The following GAS7 variants were observed in gnomAD, a reference collection of about 807,000 sequenced individuals.
GAS7 encodes growth arrest specific 7, also known as growth arrest-specific protein 7.
Under a neutral mutation model 71.1 loss-of-function variants are expected in GAS7, and 28 were observed. The ratio of observed to expected loss-of-function variants is 0.39; its 90% CI spans 0.29 to 0.54. The LOEUF (loss-of-function observed/expected upper bound fraction) is 0.54. Ranked by LOEUF, GAS7 falls within the 20% of genes least tolerant of loss-of-function variation. GAS7 has a pLI of 0.62. For synonymous variants in GAS7, 258 were observed against 245.8 expected, an observed-to-expected ratio of 1.05 and a Z score of -0.46; for missense variants, 436 against 627.8, an observed-to-expected ratio of 0.69 and a Z score of 3.27.
At chr17:10,116,515 C>T (rs2073862921) in intron 1 of GAS7, among the ~76,000 whole-genome samples, 1 of 152,082 alleles carries the variant, frequency 6.6e-6, no homozygotes, top group Admixed American at 6.5e-5. Flanking sequence ...CTCACAGCCA[C>T]TGGGTGCTCA....
chr17:9,928,634 G>C (rs762228283), intron 9 of GAS7, among the ~76,000 whole-genome samples: 18 of 152,206 alleles, frequency 1.2e-4, no homozygotes, highest in Non-Finnish European at 2.2e-4. Context: ...ATATCCCAAC[G>C]AGGGTTCTGT....
chr17:10,067,155 G>A (rs1358461075), intron 1 of GAS7, among the ~76,000 whole-genome samples: 1 of 152,102 alleles, frequency 6.6e-6, no homozygotes, highest in East Asian at 1.9e-4. Context: ...GGGATGGGGT[G>A]GCGGGAGTGG....
intron 1 of GAS7, among the ~76,000 whole-genome samples, chr17:10,030,497 C>T (rs941072603): frequency 4.6e-5 from 7 of 152,334 alleles, no homozygotes; most frequent in Non-Finnish European, 7.4e-5. Context: ...GTGCATGAGG[C>T]ACACCTGCAG....
intron 1 of GAS7, among the ~76,000 whole-genome samples, chr17:10,161,098 G>A (rs2074252931): frequency 6.6e-6 from 1 of 152,098 alleles, no homozygotes; most frequent in South Asian, 2.1e-4. Context: ...TTGTTTGTTT[G>A]TTTGCGGTTT....
At chr17:10,185,627 T>C (rs2074446267) in intron 1 of GAS7, among the ~76,000 whole-genome samples, 1 of 152,118 alleles carries the variant, frequency 6.6e-6, no homozygotes. Context: ...GGAAACCCAA[T>C]TTACAGCCGG....
intron 2 of GAS7, among the ~76,000 whole-genome samples, chr17:10,003,125 G>A (rs1354068856): frequency 6.6e-6 from 1 of 152,218 alleles, no homozygotes; most frequent in East Asian, 1.9e-4. Flanking sequence ...CAGAAGGCTG[G>A]GGCTGGCTGG....
intron 9 of GAS7, among the ~76,000 whole-genome samples, chr17:9,933,213 A>G (rs2068271759): frequency 6.6e-6 from 1 of 152,150 alleles, no homozygotes; most frequent in African/African-American, 2.4e-5. Context: ...ATAAATGAAT[A>G]AATAAATAAA....
chr17:9,962,746 T>A (rs1431230872), intron 4 of GAS7, among the ~76,000 whole-genome samples: 1 of 152,218 alleles, frequency 6.6e-6, no homozygotes, highest in Non-Finnish European at 1.5e-5. Flanking sequence ...GGTCTTACAC[T>A]GGCACCTCAC....
At chr17:10,170,020 C>T (rs2074324349) in intron 1 of GAS7, among the ~76,000 whole-genome samples, 2 of 152,146 alleles carry the variant, frequency 1.3e-5, no homozygotes, top group South Asian at 2.1e-4. Flanking sequence ...CAACCCATTA[C>T]CAAATCCCAT....
chr17:10,146,946 G>A (rs77896675), intron 1 of GAS7, among the ~76,000 whole-genome samples: 16,314 of 109,570 alleles, frequency 0.15, 2,025 homozygotes, highest in African/African-American at 0.34. Context: ...GCGCCAGAGC[G>A]AGACTCCGTC....
At chr17:9,964,917 A>G (rs2069644884) in intron 4 of GAS7, among the ~76,000 whole-genome samples, 1 of 152,156 alleles carries the variant, frequency 6.6e-6, no homozygotes, top group Non-Finnish European at 1.5e-5. Context: ...CTCCACTTTG[A>G]ACTCCATGCT....
chr17:10,055,986 G>C (rs1264494162), intron 1 of GAS7, among the ~76,000 whole-genome samples: 1 of 152,192 alleles, frequency 6.6e-6, no homozygotes, highest in African/African-American at 2.4e-5. Flanking sequence ...AGGTAGAAGT[G>C]AATTATCCCC....
At chr17:10,116,410 T>C (rs1308908803) in intron 1 of GAS7, among the ~76,000 whole-genome samples, 1 of 152,010 alleles carries the variant, frequency 6.6e-6, no homozygotes, top group Admixed American at 6.6e-5. Flanking sequence ...ATGAATACTC[T>C]CCAGAGTACC....
rs1031163333 is a variant in GAS7 at position 10,163,530 on chromosome 17, T to C, written c.183+34678A>G. Among the ~76,000 whole-genome samples, 13 of 151,048 alleles carry C rather than the reference T, an allele frequency of 8.6e-5. No individual in the cohort carries two copies. The East Asian group carries it at 1.7e-3, about 20-fold the overall frequency. ...GCTACAAAAATGCTTGAGAGAGAAA[T>C]ACAGATTAAAGTTGAAAGAAATAAA... On this transcript the variant is annotated intron_variant, in intron 1 of 13. Coordinates refer to ENST00000432992, the MANE Select transcript of GAS7 (RefSeq NM_201433.2).
intron 1 of GAS7, among the ~76,000 whole-genome samples, chr17:10,076,724 G>T (rs915892410): frequency 6.6e-6 from 1 of 152,098 alleles, no homozygotes; most frequent in Non-Finnish European, 1.5e-5. Context: ...TGAAAACATT[G>T]GAGAAACTGT....
At chr17:10,016,276 T>C (rs1001117703) in intron 2 of GAS7, among the ~76,000 whole-genome samples, 4 of 151,030 alleles carry the variant, frequency 2.6e-5, no homozygotes, top group African/African-American at 7.3e-5. Flanking sequence ...TCCCAGATAC[T>C]TGGGAGGCTG....
At chr17:10,118,262 T>C (rs1192030364) in intron 1 of GAS7, among the ~76,000 whole-genome samples, 1 of 152,128 alleles carries the variant, frequency 6.6e-6, no homozygotes, top group Admixed American at 6.5e-5. Context: ...TCACAGCGCA[T>C]AAGGTGGGAA....
At position 10,103,073 on chromosome 17, in the gene GAS7, C is replaced by T. The variant is rs560169170; in HGVS notation, c.184-83176G>A. On this transcript the variant is annotated intron_variant, in intron 1 of 13. Coordinates refer to ENST00000432992, the MANE Select transcript of GAS7 (RefSeq NM_201433.2). This position sits in a 1 kb window ranked among gnomAD's most constrained non-coding sequence, Gnocchi z 5.5. The stretch of plus-strand genomic sequence containing the variant: ...AATCTGCATTTTAACAAACCCTGAC[C>T]GGACGTAGTGGCTCACACCTGTAAT... Among the ~76,000 whole-genome samples, 53 of 152,202 alleles carry T rather than the reference C, an allele frequency of 3.5e-4. No homozygotes were observed. Among genetic ancestry groups the T allele is most frequent in the South Asian group, 2.3e-3 (11 of 4,816 alleles).
At chr17:10,033,181 T>G (rs994246030) in intron 1 of GAS7, among the ~76,000 whole-genome samples, 1 of 152,208 alleles carries the variant, frequency 6.6e-6, no homozygotes, top group Non-Finnish European at 1.5e-5. Context: ...AAAACACTTT[T>G]GAAGGACATT....
Sources: allele counts gnomAD v4.1 joint callset (sites outside exome capture counted in the v4.1 genomes callset), GRCh38; gene constraint gnomAD v4.1.1; non-coding constraint Gnocchi (gnomAD v3.1); transcripts MANE v1.5; gene names NCBI Gene and HGNC (gene_info 2026-07-23, HGNC 2026-07-21).